The following SLC5A4 variants were observed in gnomAD, a reference collection of about 807,000 sequenced individuals.
SLC5A4 encodes probable glucose sensor protein SLC5A4.
In SLC5A4, 55 loss-of-function variants were observed where a neutral mutation model predicts 70.3. The ratio of observed to expected loss-of-function variants is 0.78; its 90% CI spans 0.63 to 0.98. The LOEUF (loss-of-function observed/expected upper bound fraction) is 0.98. SLC5A4 is among the 50% of genes least tolerant of loss of function. The pLI, the probability that SLC5A4 is intolerant of heterozygous loss-of-function variation, is 0.00. For synonymous variants in SLC5A4, 268 were observed against 305.7 expected (o/e 0.88, Z 1.29); for missense variants, 735 against 839.2 (o/e 0.88, Z 1.53).
the SLC5A4 span, among the ~76,000 whole-genome samples, chr22:32,333,848 C>T: frequency 1.0e-4 from 15 of 147,798 alleles, no homozygotes; most frequent in East Asian, 2.8e-3. Flanking sequence ...TCACAATATA[C>T]ACACACACAC....
chr22:32,241,748 T>C lies in SLC5A4; in HGVS notation c.478-2658A>G, dbSNP rs558382472. On this transcript the variant is annotated intron_variant, in intron 5 of 14. Transcript: ENST00000266086. ...AAACCATTTTTGATGCATTATAGGA[T>C]TGAGCAAACAAATTTTACATATATA... is the stretch of plus-strand genomic sequence containing the variant. Among the ~76,000 whole-genome samples the C allele has an allele frequency of 2.9e-4, 44 of 151,746 alleles. No individual in the cohort carries two copies. In the South Asian group the frequency reaches 9.0e-3, roughly 31 times the overall value.
At chr22:32,305,633 C>A in the SLC5A4 span, among the ~76,000 whole-genome samples, 1 of 148,104 alleles carries the variant, frequency 6.8e-6, no homozygotes, top group African/African-American at 2.5e-5. Flanking sequence ...CCTTCTCCTG[C>A]TGGCGGGTGG....
chr22:32,317,696 C>T, the SLC5A4 span, among the ~76,000 whole-genome samples: 2 of 152,140 alleles, frequency 1.3e-5, no homozygotes, highest in Non-Finnish European at 2.9e-5. Context: ...GATCTCCTGG[C>T]CTCAAGCAAT....
the SLC5A4 span, among the ~76,000 whole-genome samples, chr22:32,306,184 G>A: frequency 6.6e-6 from 1 of 152,300 alleles, no homozygotes; most frequent in Non-Finnish European, 1.5e-5. Context: ...ACTGTATATA[G>A]GCCGGGCGCG....
upstream of SLC5A4, among the ~76,000 whole-genome samples, chr22:32,259,859 T>G (rs372489431): frequency 3.9e-5 from 6 of 152,234 alleles, no homozygotes; most frequent in East Asian, 5.8e-4. Flanking sequence ...CACACCAAGT[T>G]TTATTGGGAG....
the SLC5A4 span, among the ~76,000 whole-genome samples, chr22:32,303,145 AC>A: frequency 6.6e-6 from 1 of 152,222 alleles, no homozygotes; most frequent in Non-Finnish European, 1.5e-5. Flanking sequence ...AAGATTAAGG[AC>A]ACACCCATGA....
the SLC5A4 span, among the ~76,000 whole-genome samples, chr22:32,321,135 A>G: frequency 1.3e-5 from 2 of 152,180 alleles, no homozygotes; most frequent in Non-Finnish European, 1.5e-5. Flanking sequence ...AAAACACAAA[A>G]ATAAGCTGGG....
At chr22:32,338,312 TAC>T in the SLC5A4 span, among the ~76,000 whole-genome samples, 2 of 151,452 alleles carry the variant, frequency 1.3e-5, no homozygotes, top group Non-Finnish European at 1.5e-5. Context: ...CGAGAGGAAA[TAC>T]AGTTAACAAA....
chr22:32,304,302 GGTT>G, the SLC5A4 span, among the ~76,000 whole-genome samples: 3 of 151,328 alleles, frequency 2.0e-5, no homozygotes, highest in Non-Finnish European at 4.4e-5. Context: ...ATTTTTGTGG[GGTT>G]TTTTTCCGTA....
the SLC5A4 span, among the ~76,000 whole-genome samples, chr22:32,324,672 T>C: frequency 6.6e-6 from 1 of 152,186 alleles, no homozygotes; most frequent in Non-Finnish European, 1.5e-5. Flanking sequence ...GTCCACGGCC[T>C]CAGTGTCAGA....
the SLC5A4 span, among the ~76,000 whole-genome samples, chr22:32,306,978 A>T: frequency 6.6e-6 from 1 of 152,108 alleles, no homozygotes; most frequent in Non-Finnish European, 1.5e-5. Context: ...ATAGTTTTTG[A>T]TTCTGTGCTC....
the SLC5A4 span, chr22:32,272,225 G>C: frequency 1.3e-6 from 1 of 774,622 alleles, no homozygotes; most frequent in African/African-American, 1.7e-5. Context: ...TCTTGATCAT[G>C]GATGTGACTG....
At chr22:32,315,235 T>A in the SLC5A4 span, among the ~76,000 whole-genome samples, 1 of 151,978 alleles carries the variant, frequency 6.6e-6, no homozygotes, top group Non-Finnish European at 1.5e-5. Context: ...GCAGGACTAT[T>A]AAAGCCAATC....
chr22:32,328,068 A>AAC, the SLC5A4 span, among the ~76,000 whole-genome samples: 3 of 149,310 alleles, frequency 2.0e-5, no homozygotes, highest in African/African-American at 4.9e-5. Context: ...CGACGTCCCC[A>AAC]ACACACACAC....
chr22:32,250,615 A>G (rs1328072479), intron 3 of SLC5A4, among the ~76,000 whole-genome samples: 3 of 152,242 alleles, frequency 2.0e-5, no homozygotes, highest in Non-Finnish European at 4.4e-5. Flanking sequence ...GTATATACCC[A>G]AAGGATTATA....
chr22:32,248,873 A>T, intron 3 of SLC5A4, 71 bp from the exon 4 acceptor site: 1 of 1,000,388 alleles, frequency 1.0e-6, no homozygotes, highest in Non-Finnish European at 1.6e-6. Flanking sequence ...TCCTTCTATG[A>T]CCTCTGAGTC....
the SLC5A4 span, among the ~76,000 whole-genome samples, chr22:32,330,676 G>A: frequency 1.4e-3 from 147 of 104,520 alleles, 1 homozygote; most frequent in African/African-American, 4.9e-3. Context: ...TGTGTTAGGG[G>A]GCTCTGGTGT....
chr22:32,294,306 A>C, the SLC5A4 span, among the ~76,000 whole-genome samples: 3 of 152,182 alleles, frequency 2.0e-5, no homozygotes, highest in Non-Finnish European at 2.9e-5. Flanking sequence ...TTGATTAATT[A>C]TCTCTCCAGT....
At chr22:32,292,783 A>ACTAT in the SLC5A4 span, among the ~76,000 whole-genome samples, 2 of 152,134 alleles carry the variant, frequency 1.3e-5, no homozygotes, top group African/African-American at 2.4e-5. Flanking sequence ...AGATATCTCC[A>ACTAT]CTAGGTAGAT....
Sources: gnomAD v4.1 joint callset for allele counts (sites outside exome capture counted in the v4.1 genomes callset) on GRCh38, gnomAD v4.1.1 for gene constraint, MANE v1.5 for transcripts, NCBI Gene and HGNC (gene_info 2026-07-23, HGNC 2026-07-21) for gene names.